The following HMGB1 variants were observed in gnomAD, a reference collection of about 807,000 sequenced individuals.
HMGB1 encodes high mobility group box 1, also known as high mobility group protein B1.
For synonymous variants in HMGB1, 81 were observed against 84.0 expected, an observed-to-expected ratio of 0.96 and a Z score of 0.19; for missense variants, 79 against 253.5, an observed-to-expected ratio of 0.31 and a Z score of 4.67.
rs1888441397 is a variant in HMGB1 at position 30,529,101 on chromosome 13, C to T, written c.-14-65407G>A. On this transcript the variant is annotated intron_variant, in intron 1 of 4. Coordinates refer to the HMGB1 transcript ENST00000405805. ...TTGGGTAGTCAGAAAGAATCACATC[C>T]TTTATAATTCGGTATTTCTGGATGG... 2.0e-5 allele frequency among the ~76,000 whole-genome samples: 3 copies of T among 149,180 alleles called. No individual in the cohort carries two copies. The South Asian group carries it at 6.4e-4, about 32-fold the overall frequency.
intron 1 of HMGB1, among the ~76,000 whole-genome samples, chr13:30,491,407 G>C (rs1416007137): frequency 6.6e-6 from 1 of 152,110 alleles, no homozygotes; most frequent in East Asian, 1.9e-4. Context: ...CTTGAGGCTG[G>C]GCACGGTGGC....
Position 30,538,703 on chromosome 13 carries a change from T to C in HMGB1, c.-14-75009A>G, listed in dbSNP as rs924685790. ...TTCTTTCCTTTCTTTCTTTCTTTCT[T>C]TTTCTTTCTTTCTTCTTTTTCTTTC... On this transcript the variant is annotated intron_variant, in intron 1 of 4. Coordinates refer to the HMGB1 transcript ENST00000405805. Among the ~76,000 whole-genome samples, 220 of 115,318 alleles carry C rather than the reference T, an allele frequency of 1.9e-3. 7 individuals are homozygous for C. Among genetic ancestry groups the C allele is most frequent in the African/African-American group, 8.7e-3 (207 of 23,752 alleles). The allele number at this position is 115,318 out of a possible 152,430, so 75.7% of individuals were successfully genotyped here.
intron 1 of HMGB1, among the ~76,000 whole-genome samples, chr13:30,598,592 C>T (rs930604174): frequency 1.3e-5 from 2 of 152,120 alleles, no homozygotes; most frequent in African/African-American, 4.8e-5. Context: ...AGACAAAATA[C>T]ACCTGAAAAT....
chr13:30,564,834 G>T (rs9579604), intron 1 of HMGB1, among the ~76,000 whole-genome samples: 30,482 of 152,114 alleles, frequency 0.2, 8,069 homozygotes, highest in African/African-American at 0.61. Flanking sequence ...TCTAAGAATC[G>T]GTAATTCTAA....
At position 30,538,667 on chromosome 13, in the gene HMGB1, TCTTTCTTTCTTTCTTTC is replaced by T. The variant is rs1454316254; in HGVS notation, c.-14-74990_-14-74974del. On this transcript the variant is annotated intron_variant, in intron 1 of 4. Transcript: ENST00000405805. The stretch of plus-strand genomic sequence containing the variant: ...CCTTTCTTTCTTTCTTTCTTTCCTT[TCTTTCTTTCTTTCTTTC>T]CTTTCTTTCTTTCTTTCTTTTTCTT... Among the ~76,000 whole-genome samples, 17 of 17,770 alleles carry T rather than the reference TCTTTCTTTCTTTCTTTC, an allele frequency of 9.6e-4. 1 individual carries two copies. The highest frequency in any genetic ancestry group is 4.2e-3 in the Admixed American group (5 of 1,186). 11.7% of individuals were successfully genotyped at this position (17,770 alleles called of 152,430 possible). A position where few individuals can be genotyped will look rare whatever the true frequency, so the allele number is the denominator to read the frequency against.
intron 1 of HMGB1, among the ~76,000 whole-genome samples, chr13:30,472,599 TCAAAACAAAA>T (rs928721225): frequency 6.7e-6 from 1 of 148,324 alleles, no homozygotes; most frequent in Non-Finnish European, 1.5e-5. Flanking sequence ...AGACTCCATT[TCAAAACAAAA>T]CAAAACAATA....
chr13:30,461,649 CG>C (rs1232411696), intron 4 of HMGB1, 116 bp from the exon 5 acceptor site: 6 of 1,589,170 alleles, frequency 3.8e-6, no homozygotes, highest in African/African-American at 2.7e-5. Context: ...CAAAATATCA[CG>C]TATCTGTAGA....
intron 1 of HMGB1, among the ~76,000 whole-genome samples, chr13:30,549,526 G>A (rs1479783710): frequency 2.0e-5 from 3 of 152,108 alleles, no homozygotes; most frequent in African/African-American, 7.2e-5. Flanking sequence ...GGGACTACAG[G>A]TGCAGGCCAC....
At chr13:30,538,523 C>CCTTTCTTT (rs748751416) in intron 1 of HMGB1, among the ~76,000 whole-genome samples, 1 of 85,194 alleles carries the variant, frequency 1.2e-5, no homozygotes, top group African/African-American at 6.5e-5. Context: ...TTCTTTCTTT[C>CCTTTCTTT]CTTTCTTTCT....
chr13:30,562,478 ACT>A (rs1870003127), intron 1 of HMGB1, among the ~76,000 whole-genome samples: 1 of 152,062 alleles, frequency 6.6e-6, no homozygotes, highest in South Asian at 2.1e-4. Context: ...ACTATAAAGT[ACT>A]CTTATATGAA....
At chr13:30,464,559 G>GC in intron 1 of HMGB1, 1 of 984,492 alleles carries the variant, frequency 1.0e-6, no homozygotes, top group South Asian at 4.7e-5. Flanking sequence ...CGCCACGTGC[G>GC]CCCGGCAGGC....
intron 1 of HMGB1, among the ~76,000 whole-genome samples, chr13:30,597,724 T>C (rs1300491065): frequency 1.3e-5 from 2 of 152,230 alleles, no homozygotes. Context: ...TTTTAGGCTT[T>C]GTGGGCCAAA....
intron 1 of HMGB1, among the ~76,000 whole-genome samples, chr13:30,597,720 G>A (rs1221466510): frequency 2.0e-5 from 3 of 151,974 alleles, no homozygotes; most frequent in Admixed American, 2.0e-4. Flanking sequence ...AACATTTTAG[G>A]CTTTGTGGGC....
chr13:30,529,344 T>C (rs1888446341), intron 1 of HMGB1, among the ~76,000 whole-genome samples: 1 of 152,134 alleles, frequency 6.6e-6, no homozygotes, highest in Admixed American at 6.5e-5. Context: ...TATCATTGAC[T>C]TATGCTGGGT....
intron 1 of HMGB1, among the ~76,000 whole-genome samples, chr13:30,586,809 C>A (rs549189653): frequency 7.9e-5 from 12 of 152,150 alleles, no homozygotes; most frequent in African/African-American, 2.7e-4. Context: ...CTTGACATAT[C>A]CACTTGGACT....
At chr13:30,473,331 G>A (rs1051956780) in intron 1 of HMGB1, among the ~76,000 whole-genome samples, 1 of 152,176 alleles carries the variant, frequency 6.6e-6, no homozygotes, top group African/African-American at 2.4e-5. Flanking sequence ...GATTTTACTG[G>A]TTAGTAAGGG....
At chr13:30,566,703 T>C (rs567125029) in intron 1 of HMGB1, among the ~76,000 whole-genome samples, 1 of 152,214 alleles carries the variant, frequency 6.6e-6, no homozygotes, top group African/African-American at 2.4e-5. Context: ...CTTCTTACCA[T>C]GACAATAAGA....
chr13:30,530,839 G>A (rs1888477684), intron 1 of HMGB1, among the ~76,000 whole-genome samples: 1 of 152,128 alleles, frequency 6.6e-6, no homozygotes, highest in Non-Finnish European at 1.5e-5. Context: ...TTGAGCCCAG[G>A]AGTTCAAGAC....
chr13:30,557,356 C>G (rs1165791468), intron 1 of HMGB1, among the ~76,000 whole-genome samples: 2 of 152,160 alleles, frequency 1.3e-5, no homozygotes, highest in Non-Finnish European at 2.9e-5. Flanking sequence ...CTCCTCAACG[C>G]GAGTTCCAGA....
Sources: allele counts gnomAD v4.1 joint callset (sites outside exome capture counted in the v4.1 genomes callset), GRCh38; gene constraint gnomAD v4.1.1; transcripts MANE v1.5; gene names NCBI Gene and HGNC (gene_info 2026-07-23, HGNC 2026-07-21).